ENAH: variants seen among roughly 807,000 people sequenced by gnomAD.
The protein encoded by ENAH is protein enabled homolog.
In ENAH, 23 loss-of-function variants were observed where a neutral mutation model predicts 78.7. That is an observed-to-expected ratio of 0.29 (90% CI 0.21 to 0.41). ENAH has a LOEUF of 0.41. Ranked by LOEUF, ENAH falls within the 10% of genes least tolerant of loss-of-function variation. The pLI is 1.00. For synonymous variants in ENAH, 226 were observed against 241.0 expected (o/e 0.94, Z 0.58); for missense variants, 544 against 691.0 (o/e 0.79, Z 2.39).
chr1:225,517,969 A>G lies in ENAH; in HGVS notation c.803-663T>C, dbSNP rs551336767. ...ATACTCAGGAAGTGGAGCGTTATAC[A>G]GGGAGCTGTCTGAAGATGGAGCTGG... On this transcript the variant is annotated intron_variant, in intron 5 of 13. Coordinates refer to ENST00000366843, the MANE Select transcript of ENAH (RefSeq NM_018212.6). 48 of 1,544,196 alleles carry G rather than the reference A, an allele frequency of 3.1e-5. No homozygotes were observed. In the Admixed American group the frequency reaches 9.4e-4, roughly 30 times the overall value.
At chr1:225,601,058 C>A (rs111608699) in intron 1 of ENAH, among the ~76,000 whole-genome samples, 1,734 of 152,082 alleles carry the variant, frequency 0.011, 28 homozygotes, top group African/African-American at 0.039. Flanking sequence ...AAAATGACAG[C>A]AAAATATATC....
At chr1:225,577,071 T>G (rs936532096) in intron 1 of ENAH, among the ~76,000 whole-genome samples, 13 of 152,238 alleles carry the variant, frequency 8.5e-5, no homozygotes, top group Admixed American at 2.6e-4. Flanking sequence ...GGGCCAAGAT[T>G]GTGCCACTGC....
In ENAH at chr1:225,487,504, C is replaced by A. The variant is rs1197348400; in HGVS notation, c.*10271G>T. ...ACAAGTTGTTACCAGTTTCCCTTAC[C>A]CTTGAATTCGGCAAGGCCCATTAAT... On this transcript the variant is annotated 3_prime_UTR_variant, in exon 14 of 14. Transcript: ENST00000366843. The A allele has an allele frequency of 6.6e-6, 1 of 152,180 alleles. No individual in the cohort carries two copies. The highest frequency in any genetic ancestry group is 1.9e-4 in the East Asian group (1 of 5,202). 9.4% of individuals were successfully genotyped at this position (152,180 alleles called of 1,614,324 possible). A position where few individuals can be genotyped will look rare whatever the true frequency, so the allele number is the denominator to read the frequency against.
chr1:225,533,754 G>A (rs1165159218), intron 3 of ENAH, among the ~76,000 whole-genome samples: 1 of 152,122 alleles, frequency 6.6e-6, no homozygotes, highest in Non-Finnish European at 1.5e-5. Context: ...CTGTATGTCA[G>A]TCTTGCCTTC....
At chr1:225,614,028 CACTTT>C (rs2097008801) in intron 1 of ENAH, among the ~76,000 whole-genome samples, 1 of 152,056 alleles carries the variant, frequency 6.6e-6, no homozygotes, top group African/African-American at 2.4e-5. Flanking sequence ...CTCAGGAAAA[CACTTT>C]ACTTATGTTT....
At chr1:225,518,021 G>C in intron 5 of ENAH, 1 of 1,513,470 alleles carries the variant, frequency 6.6e-7, no homozygotes, top group Admixed American at 2.1e-5. Flanking sequence ...AGCAGCAAAA[G>C]ACAGGATAAA....
intron 3 of ENAH, among the ~76,000 whole-genome samples, chr1:225,548,040 G>A (rs1265282443): frequency 6.6e-6 from 1 of 152,032 alleles, no homozygotes; most frequent in Non-Finnish European, 1.5e-5. Context: ...ATTTGCGCTG[G>A]CATACAGATG....
At chr1:225,595,308 G>T (rs1231973377) in intron 1 of ENAH, among the ~76,000 whole-genome samples, 4 of 152,008 alleles carry the variant, frequency 2.6e-5, no homozygotes, top group Admixed American at 1.3e-4. Context: ...ACTCTAGCCT[G>T]GGCAACAGAG....
intron 1 of ENAH, among the ~76,000 whole-genome samples, chr1:225,625,791 C>A (rs143243205): frequency 6.6e-6 from 1 of 152,226 alleles, no homozygotes; most frequent in Non-Finnish European, 1.5e-5. Context: ...GCTGGGATTA[C>A]AGGCATGAGC....
intron 1 of ENAH, among the ~76,000 whole-genome samples, chr1:225,627,156 C>T (rs1658100102): frequency 6.6e-6 from 1 of 152,034 alleles, no homozygotes; most frequent in South Asian, 2.1e-4. Flanking sequence ...ATAATTTAGC[C>T]CCCTGCGTTA....
intron 6 of ENAH, among the ~76,000 whole-genome samples, chr1:225,516,734 C>T (rs1345181525): frequency 1.3e-5 from 2 of 151,832 alleles, no homozygotes; most frequent in Admixed American, 6.6e-5. Flanking sequence ...ATTAGCCAGG[C>T]GTGGTGGCAT....
At chr1:225,609,934 G>A (rs373030880) in intron 1 of ENAH, among the ~76,000 whole-genome samples, 1 of 151,940 alleles carries the variant, frequency 6.6e-6, no homozygotes, top group East Asian at 1.9e-4. Context: ...AAAGTGCTGG[G>A]ATTACAGGCA....
At chr1:225,520,943 AGGGAGGG>A (rs2096462986) in intron 4 of ENAH, among the ~76,000 whole-genome samples, 1 of 4,606 alleles carries the variant, frequency 2.2e-4, no homozygotes, top group East Asian at 9.3e-3. Context: ...GGAGGGAGGG[AGGGAGGG>A]AGGGAGGGAG....
At chr1:225,562,026 C>CT (rs932435880) in intron 2 of ENAH, among the ~76,000 whole-genome samples, 1 of 152,072 alleles carries the variant, frequency 6.6e-6, no homozygotes, top group Non-Finnish European at 1.5e-5. Context: ...TGCTTAACAT[C>CT]TCCATCCTGC....
intron 3 of ENAH, among the ~76,000 whole-genome samples, chr1:225,550,497 A>G (rs2096636372): frequency 6.6e-6 from 1 of 152,230 alleles, no homozygotes; most frequent in Non-Finnish European, 1.5e-5. Flanking sequence ...ACAATCTGGA[A>G]GACTAAAAAA....
chr1:225,573,992 T>C (rs1166928793), intron 1 of ENAH, among the ~76,000 whole-genome samples: 1 of 152,044 alleles, frequency 6.6e-6, no homozygotes, highest in African/African-American at 2.4e-5. Flanking sequence ...TAAGAGAATA[T>C]ATCCTAAAGA....
intron 1 of ENAH, among the ~76,000 whole-genome samples, chr1:225,571,288 G>A (rs773524379): frequency 1.4e-4 from 21 of 151,852 alleles, no homozygotes; most frequent in Non-Finnish European, 2.5e-4. Context: ...CACAAGAATC[G>A]CTTGAACCCA....
chr1:225,561,979 C>T (rs558301585), intron 2 of ENAH, among the ~76,000 whole-genome samples: 2 of 152,246 alleles, frequency 1.3e-5, no homozygotes, highest in Admixed American at 6.5e-5. Flanking sequence ...TTACACTTAT[C>T]ACAACTGAAA....
In ENAH at chr1:225,519,455, T is replaced by C; in HGVS notation, c.545A>G (p.Glu182Gly). 1.9e-6 allele frequency: 3 copies of C among 1,612,480 alleles called. No individual in the cohort carries two copies. Among genetic ancestry groups the C allele is most frequent in the Non-Finnish European group, 2.5e-6 (3 of 1,179,116 alleles). The change falls in exon 5 of 14, where the codon GAG becomes GGG. Residue 182 changes from glutamate to glycine, a missense_variant. By Grantham distance (98) the Glu-to-Gly change is moderately conservative. Around this residue, in one of 4 missense-constraint regions of ENAH, gnomAD observed 366 missense variants for 396.1 expected, o/e 0.92. Coordinates refer to ENST00000366843, the MANE Select transcript of ENAH (RefSeq NM_018212.6). ...CTGTTCTTGTTCCAGTCGCTCCCTC[T>C]CCAGCCTTTCCCTTTCTAACCTCTC... ...ERERLERERL[E>G]RERLEQEQLE...
Sources: allele counts gnomAD v4.1 joint callset (sites outside exome capture counted in the v4.1 genomes callset), GRCh38; gene constraint gnomAD v4.1.1; regional missense constraint gnomAD v4.1.1; transcripts MANE v1.5; gene names NCBI Gene and HGNC (gene_info 2026-07-23, HGNC 2026-07-21).